The following FNDC3B variants were observed in gnomAD, a reference collection of about 807,000 sequenced individuals.
FNDC3B encodes the protein fibronectin type III domain containing 3B, also known as fibronectin type III domain-containing protein 3B.
In FNDC3B, 12 loss-of-function variants were observed where a neutral mutation model predicts 151.5. The ratio of observed to expected loss-of-function variants is 0.08; its 90% CI spans 0.05 to 0.13. The LOEUF (loss-of-function observed/expected upper bound fraction) is 0.13. Among genes scored for constraint, FNDC3B ranks in the 10% least tolerant of loss-of-function variants. The probability of loss-of-function intolerance (pLI) is 1.00; values close to 1 mark genes in which losing one functional copy is unlikely to be tolerated. For missense variants in FNDC3B, 1,214 were observed against 1,505.3 expected, an observed-to-expected ratio of 0.81 and a Z score of 3.20; for synonymous variants, 528 against 549.0, an observed-to-expected ratio of 0.96 and a Z score of 0.54.
intron 1 of FNDC3B, among the ~76,000 whole-genome samples, chr3:172,108,754 T>G (rs1318168933): frequency 6.6e-6 from 1 of 152,246 alleles, no homozygotes; most frequent in Non-Finnish European, 1.5e-5. Flanking sequence ...ACGTTTCCCT[T>G]TTCATGCCTG....
intron 6 of FNDC3B, among the ~76,000 whole-genome samples, chr3:172,273,425 C>A (rs1176448666): frequency 6.6e-6 from 1 of 152,188 alleles, no homozygotes; most frequent in Non-Finnish European, 1.5e-5. Flanking sequence ...CACAGGCTCC[C>A]TGCTCCCTGT....
chr3:172,323,305 G>A (rs1366013233), intron 11 of FNDC3B, among the ~76,000 whole-genome samples: 1 of 152,100 alleles, frequency 6.6e-6, no homozygotes, highest in East Asian at 1.9e-4. Flanking sequence ...TGGAAGGATA[G>A]CTTGAGGCCA....
chr3:172,311,061 T>C (rs1305300351), intron 11 of FNDC3B, 180 bp downstream of exon 11: 4 of 583,536 alleles, frequency 6.9e-6, no homozygotes, highest in Non-Finnish European at 1.2e-5. Context: ...AGTAGTATTA[T>C]GAGTTGTGTA....
intron 14 of FNDC3B, among the ~76,000 whole-genome samples, chr3:172,333,391 G>A (rs767540734): frequency 6.6e-6 from 1 of 151,824 alleles, no homozygotes; most frequent in Non-Finnish European, 1.5e-5. Flanking sequence ...GCACGATCTC[G>A]GCTCACTGCA....
rs1448400614 is a variant in FNDC3B at position 172,133,465 on chromosome 3, T to C, written c.112-6T>C. ...TTAAACTGAAATTAATGTGTTGTTT[T>C]GGCAGGTTATTCTCGTTCAAGTTAA... On this transcript the variant is annotated splice_polypyrimidine_tract_variant and splice_region_variant and intron_variant, in intron 2 of 25. Coordinates refer to ENST00000415807, the MANE Select transcript of FNDC3B (RefSeq NM_022763.4). The C allele has an allele frequency of 4.3e-6, 7 of 1,610,508 alleles. No individual in the cohort carries two copies. The Admixed American group carries it at 6.7e-5, about 15-fold the overall frequency.
intron 23 of FNDC3B, among the ~76,000 whole-genome samples, chr3:172,370,280 T>A (rs1012453868): frequency 1.3e-5 from 2 of 152,314 alleles, no homozygotes; most frequent in East Asian, 1.9e-4. Flanking sequence ...TAAAGAAACA[T>A]TCTAAAGCTA....
At chr3:172,278,875 C>T (rs377257416) in intron 6 of FNDC3B, among the ~76,000 whole-genome samples, 1 of 151,992 alleles carries the variant, frequency 6.6e-6, no homozygotes, top group Non-Finnish European at 1.5e-5. Context: ...TGCAGAAAGC[C>T]GAGATCGCAC....
intron 7 of FNDC3B, among the ~76,000 whole-genome samples, chr3:172,293,031 C>A (rs1211587367): frequency 6.6e-6 from 1 of 152,194 alleles, no homozygotes; most frequent in Non-Finnish European, 1.5e-5. Flanking sequence ...TTAAGAGTCC[C>A]TCTGTGTTCA....
At chr3:172,187,878 C>CG (rs1207504929) in intron 3 of FNDC3B, among the ~76,000 whole-genome samples, 2 of 152,124 alleles carry the variant, frequency 1.3e-5, no homozygotes, top group African/African-American at 4.8e-5. Flanking sequence ...CCTTGGCCCC[C>CG]CAAAGTCCTG....
chr3:172,139,353 G>C (rs1363802681), intron 3 of FNDC3B, among the ~76,000 whole-genome samples: 1 of 152,178 alleles, frequency 6.6e-6, no homozygotes, highest in Non-Finnish European at 1.5e-5. Flanking sequence ...TTTGCAAACT[G>C]AGGTAGACTA....
rs1731244521 is a variant in FNDC3B, at chr3:172,307,266, C to G, written c.1062-97C>G. 3 of 1,250,152 alleles carry G rather than the reference C, an allele frequency of 2.4e-6. No individual in the cohort carries two copies. In the East Asian group the frequency reaches 7.0e-5, roughly 29 times the overall value. 77.4% of individuals were successfully genotyped at this position (1,250,152 alleles called of 1,614,324 possible). A position where few individuals can be genotyped will look rare whatever the true frequency, so the allele number is the denominator to read the frequency against. ...CATGATACTCACTCCGTAAGAAATT[C>G]TGTTCATCTACAGAAAGCCTTAGGG... On this transcript the variant is annotated intron_variant, in intron 9 of 25. Transcript: ENST00000415807.
At chr3:172,302,353 TC>T (rs1401969272) in intron 9 of FNDC3B, 1 of 152,166 alleles carries the variant, frequency 6.6e-6, no homozygotes, top group African/African-American at 2.4e-5. Flanking sequence ...TTCCACCAAC[TC>T]ACTGTTACTG....
At chr3:172,190,808 A>G (rs892447849) in intron 3 of FNDC3B, among the ~76,000 whole-genome samples, 4 of 152,162 alleles carry the variant, frequency 2.6e-5, no homozygotes, top group African/African-American at 9.7e-5. Context: ...AGCTGGGATT[A>G]CAGGCATGTA....
At chr3:172,289,491 A>G (rs1308147899) in intron 7 of FNDC3B, among the ~76,000 whole-genome samples, 3 of 152,238 alleles carry the variant, frequency 2.0e-5, no homozygotes, top group Non-Finnish European at 4.4e-5. Context: ...TCTGATCCTC[A>G]TAAATGTTAT....
intron 3 of FNDC3B, among the ~76,000 whole-genome samples, chr3:172,158,869 C>G (rs747729314): frequency 6.6e-5 from 10 of 152,328 alleles, no homozygotes; most frequent in Non-Finnish European, 1.3e-4. Flanking sequence ...CTTCCCTCCC[C>G]TCTTCCTCTC....
chr3:172,094,226 C>T (rs112262422), intron 1 of FNDC3B, among the ~76,000 whole-genome samples: 1 of 150,214 alleles, frequency 6.7e-6, no homozygotes, highest in African/African-American at 2.5e-5. Context: ...TCTAGAACAT[C>T]GGCATTGTGT....
chr3:172,238,561 T>C (rs1727288670), intron 4 of FNDC3B, among the ~76,000 whole-genome samples: 1 of 152,206 alleles, frequency 6.6e-6, no homozygotes, highest in Non-Finnish European at 1.5e-5. Flanking sequence ...TTTATCCTAA[T>C]TTTTCTTTCT....
At chr3:172,171,227 A>T (rs1723264917) in intron 3 of FNDC3B, among the ~76,000 whole-genome samples, 1 of 152,250 alleles carries the variant, frequency 6.6e-6, no homozygotes, top group African/African-American at 2.4e-5. Flanking sequence ...TAATTATATT[A>T]AGATAGGCTT....
intron 22 of FNDC3B, among the ~76,000 whole-genome samples, chr3:172,362,138 G>A (rs1364407562): frequency 6.6e-6 from 1 of 152,156 alleles, no homozygotes; most frequent in African/African-American, 2.4e-5. Flanking sequence ...TGCATGCTTA[G>A]CTCTAGATAA....
Sources: allele counts gnomAD v4.1 joint callset (sites outside exome capture counted in the v4.1 genomes callset), GRCh38; gene constraint gnomAD v4.1.1; transcripts MANE v1.5; gene names NCBI Gene and HGNC (gene_info 2026-07-23, HGNC 2026-07-21).